The following CNTNAP5 variants were observed in gnomAD, a reference collection of about 807,000 sequenced individuals.
CNTNAP5 encodes contactin associated protein family member 5.
A neutral mutation model predicts 150.2 loss-of-function variants in CNTNAP5; 72 were observed. That is an observed-to-expected ratio of 0.48 (90% CI 0.40 to 0.58). The LOEUF (loss-of-function observed/expected upper bound fraction) is 0.58, where lower values mean the gene tolerates loss of function less well. Ranked by LOEUF, CNTNAP5 falls within the 20% of genes least tolerant of loss-of-function variation. The probability of loss-of-function intolerance (pLI) is 0.00; values close to 1 mark genes in which losing one functional copy is unlikely to be tolerated. For missense variants in CNTNAP5, 1,636 were observed against 1,626.2 expected (o/e 1.01, Z -0.10); for synonymous variants, 672 against 619.8 (o/e 1.08, Z -1.25).
chr2:124,751,648 C>G (rs1452102857), intron 14 of CNTNAP5, among the ~76,000 whole-genome samples: 1 of 152,176 alleles, frequency 6.6e-6, no homozygotes, highest in Non-Finnish European at 1.5e-5. Flanking sequence ...ACCACCACAC[C>G]TCTTTTTATA....
At chr2:124,542,964 T>C (rs1695423100) in intron 10 of CNTNAP5, among the ~76,000 whole-genome samples, 1 of 152,192 alleles carries the variant, frequency 6.6e-6, no homozygotes, top group Non-Finnish European at 1.5e-5. Context: ...ATCTTTAATG[T>C]CATTGTATAC....
intron 17 of CNTNAP5, 86 bp downstream of exon 17, chr2:124,773,103 G>A: frequency 1.0e-6 from 1 of 955,186 alleles, no homozygotes; most frequent in Non-Finnish European, 1.7e-6. Flanking sequence ...TCTTTTATCT[G>A]AGATCTGGGA....
chr2:124,427,790 C>A (rs2104788323), intron 4 of CNTNAP5, among the ~76,000 whole-genome samples: 1 of 152,170 alleles, frequency 6.6e-6, no homozygotes, highest in South Asian at 2.1e-4. Flanking sequence ...ATTTGACTCT[C>A]CATCATGAGA....
intron 1 of CNTNAP5, among the ~76,000 whole-genome samples, chr2:124,068,339 A>G (rs1346570305): frequency 1.3e-5 from 2 of 152,150 alleles, no homozygotes; most frequent in East Asian, 3.9e-4. Flanking sequence ...CTGCCTTGTC[A>G]TAGCAAAGAG....
intron 1 of CNTNAP5, among the ~76,000 whole-genome samples, chr2:124,217,854 A>G (rs762274478): frequency 3.3e-5 from 5 of 152,154 alleles, no homozygotes; most frequent in African/African-American, 7.2e-5. Context: ...AAATGACTCT[A>G]TGGCTGGATA....
At chr2:124,090,975 A>G (rs1276257520) in intron 1 of CNTNAP5, among the ~76,000 whole-genome samples, 1 of 152,218 alleles carries the variant, frequency 6.6e-6, no homozygotes, top group East Asian at 1.9e-4. Flanking sequence ...TCAAAAGTAA[A>G]AGAAAAAGAG....
rs2104776326 is a variant in CNTNAP5 at position 124,919,030 on chromosome 2, G to A, written c.*4742G>A. ...CCCCTCTTTCATAGTCTTGTTTGTG[G>A]AACCATCTACTCTGCAGATTTTTAT... On this transcript the variant is annotated 3_prime_UTR_variant, in exon 24 of 24. Transcript: ENST00000682447. Among the ~76,000 whole-genome samples, 1 of 151,980 alleles carries A rather than the reference G, an allele frequency of 6.6e-6. No individual in the cohort carries two copies. Among genetic ancestry groups the A allele is most frequent in the South Asian group, 2.1e-4 (1 of 4,814 alleles).
intron 11 of CNTNAP5, among the ~76,000 whole-genome samples, chr2:124,604,586 C>T (rs931445945): frequency 1.3e-5 from 2 of 152,154 alleles, no homozygotes; most frequent in African/African-American, 2.4e-5. Flanking sequence ...GGAAATCAAA[C>T]GATGAAGGTT....
intron 3 of CNTNAP5, among the ~76,000 whole-genome samples, chr2:124,399,386 T>C (rs1691347515): frequency 6.6e-6 from 1 of 152,156 alleles, no homozygotes. Flanking sequence ...GATGTCTGCC[T>C]TCATATTCCT....
chr2:124,135,093 A>C (rs1482506751), intron 1 of CNTNAP5: 2 of 151,710 alleles, frequency 1.3e-5, no homozygotes, highest in Non-Finnish European at 2.9e-5. Flanking sequence ...AATGGCAAGA[A>C]GAACAAGAAG....
At chr2:124,431,237 G>A (rs1489969797) in intron 4 of CNTNAP5, among the ~76,000 whole-genome samples, 1 of 152,132 alleles carries the variant, frequency 6.6e-6, no homozygotes, top group Non-Finnish European at 1.5e-5. Flanking sequence ...CACTAGACTA[G>A]CCAGACATTG....
intron 14 of CNTNAP5, among the ~76,000 whole-genome samples, chr2:124,759,935 G>T: frequency 8.3e-6 from 1 of 120,998 alleles, no homozygotes; most frequent in African/African-American, 3.1e-5. Context: ...TAAACTCCTC[G>T]GTCTTTTTTT....
intron 19 of CNTNAP5, among the ~76,000 whole-genome samples, chr2:124,805,440 CAA>C: frequency 6.6e-6 from 1 of 152,136 alleles, no homozygotes; most frequent in Non-Finnish European, 1.5e-5. Flanking sequence ...GCAACATAGT[CAA>C]ACACAAGGAA....
intron 10 of CNTNAP5, among the ~76,000 whole-genome samples, chr2:124,540,922 A>G (rs901999972): frequency 3.9e-5 from 6 of 152,142 alleles, no homozygotes; most frequent in Non-Finnish European, 7.4e-5. Flanking sequence ...AGAACCTGAG[A>G]GGAAGGCCAC....
At chr2:124,738,675 G>A (rs1456808728) in intron 13 of CNTNAP5, among the ~76,000 whole-genome samples, 1 of 151,320 alleles carries the variant, frequency 6.6e-6, no homozygotes, top group Non-Finnish European at 1.5e-5. Flanking sequence ...AGGTTGCAGT[G>A]AGCCGAGATT....
At chr2:124,136,890 C>G (rs1683987138) in intron 1 of CNTNAP5, among the ~76,000 whole-genome samples, 1 of 152,228 alleles carries the variant, frequency 6.6e-6, no homozygotes, top group African/African-American at 2.4e-5. Flanking sequence ...TCACAATGCT[C>G]TTTTGTCATT....
chr2:124,753,491 C>A (rs969519612), intron 14 of CNTNAP5, among the ~76,000 whole-genome samples: 1 of 152,194 alleles, frequency 6.6e-6, no homozygotes, highest in Non-Finnish European at 1.5e-5. Flanking sequence ...CACAATCTCA[C>A]AATAAATGCT....
chr2:124,774,154 A>G (rs1176716901), intron 17 of CNTNAP5, among the ~76,000 whole-genome samples: 1 of 152,134 alleles, frequency 6.6e-6, no homozygotes, highest in East Asian at 1.9e-4. Context: ...AGTGATGTAA[A>G]TAAGTGACAG....
At chr2:124,134,242 T>G (rs1683925465) in intron 1 of CNTNAP5, among the ~76,000 whole-genome samples, 1 of 152,074 alleles carries the variant, frequency 6.6e-6, no homozygotes, top group Non-Finnish European at 1.5e-5. Context: ...CTACCCTCAT[T>G]TTCTTCCTGG....
Sources: gnomAD v4.1 joint callset for allele counts (sites outside exome capture counted in the v4.1 genomes callset) on GRCh38, gnomAD v4.1.1 for gene constraint, MANE v1.5 for transcripts, NCBI Gene and HGNC (gene_info 2026-07-23, HGNC 2026-07-21) for gene names.